ZNF330: variants seen among roughly 807,000 people sequenced by gnomAD.
ZNF330 encodes nucleolar atypical zinc finger.
In ZNF330, 31 loss-of-function variants were observed where a neutral mutation model predicts 45.5. The observed-to-expected ratio is 0.68, with a 90% CI of 0.51 to 0.92. The LOEUF (loss-of-function observed/expected upper bound fraction) is 0.92, where lower values mean the gene tolerates loss of function less well. Ranked by LOEUF, ZNF330 falls within the 40% of genes least tolerant of loss-of-function variation. The probability of loss-of-function intolerance (pLI) is 0.00; values close to 1 mark genes in which losing one functional copy is unlikely to be tolerated. For synonymous variants in ZNF330, 138 were observed against 123.2 expected (o/e 1.12, Z -0.79); for missense variants, 356 against 387.4 (o/e 0.92, Z 0.68).
intron 5 of ZNF330, among the ~76,000 whole-genome samples, 182 bp from the exon 6 acceptor site, chr4:141,229,389 T>C (rs960000630): frequency 1.3e-5 from 2 of 152,156 alleles, no homozygotes; most frequent in Non-Finnish European, 2.9e-5. Context: ...GAAGTTGTTT[T>C]TCAGAGAACC....
intron 9 of ZNF330, 35 bp from the exon 10 acceptor site, chr4:141,233,680 T>A: frequency 6.4e-7 from 1 of 1,574,236 alleles, no homozygotes; most frequent in Non-Finnish European, 8.6e-7. Flanking sequence ...GAACTGGAAC[T>A]AACAAAATGC....
Position 141,224,688 on chromosome 4 carries a change from A to AATAATTAAGG in ZNF330, c.211+13_211+22dup. On this transcript the variant is annotated intron_variant, in intron 4 of 9. Transcript: ENST00000262990. ...TTTGTGCACAGTGTGGTAAGTTTGT[A>AATAATTAAGG]ATAATTAAGGACATATGCTTTTTAT... 1 of 1,610,610 alleles carries AATAATTAAGG rather than the reference A, an allele frequency of 6.2e-7. No individual in the cohort carries two copies. The highest frequency in any genetic ancestry group is 2.2e-5 in the East Asian group (1 of 44,780).
At chr4:141,223,767 A>G in intron 2 of ZNF330, 1 of 456,220 alleles carries the variant, frequency 2.2e-6, no homozygotes, top group Non-Finnish European at 4.4e-6. Context: ...TGTATTTATT[A>G]GGACTAAGAG....
Position 141,234,131 on chromosome 4 carries a change from G to T in ZNF330, c.*142G>T. ...TACACTTAATGGGCCAAGCAATAGGGTGTAGCGTTTTTATAGAACTGATAA... is the reference window on the plus strand; with the variant it reads ...TACACTTAATGGGCCAAGCAATAGGTTGTAGCGTTTTTATAGAACTGATAA... On this transcript the variant is annotated 3_prime_UTR_variant, in exon 10 of 10. Coordinates refer to ENST00000262990, the MANE Select transcript of ZNF330 (RefSeq NM_014487.6). The T allele has an allele frequency of 1.4e-6, 2 of 1,390,342 alleles. No homozygotes were observed. The highest frequency in any genetic ancestry group is 9.3e-7 in the Non-Finnish European group (1 of 1,072,018). The allele number at this position is 1,390,342 out of a possible 1,614,324, so 86.1% of individuals were successfully genotyped here.
chr4:141,223,188 G>A (rs72935053), intron 2 of ZNF330, among the ~76,000 whole-genome samples: 7,284 of 152,220 alleles, frequency 0.048, 575 homozygotes, highest in African/African-American at 0.17. Flanking sequence ...ACTGTGGGTA[G>A]TGATACATAG....
At chr4:141,224,795 C>CCTG in intron 4 of ZNF330, 118 bp downstream of exon 4, 1 of 803,296 alleles carries the variant, frequency 1.2e-6, no homozygotes, top group Non-Finnish European at 2.0e-6. Flanking sequence ...AATATTATGC[C>CCTG]TTACCATTAA....
intron 4 of ZNF330, 23 bp downstream of exon 4, chr4:141,224,700 C>G (rs1435336336): frequency 6.2e-7 from 1 of 1,601,190 alleles, no homozygotes; most frequent in Non-Finnish European, 8.5e-7. Context: ...TAATTAAGGA[C>G]ATATGCTTTT....
intron 1 of ZNF330, 27 bp from the exon 2 acceptor site, chr4:141,222,339 C>G (rs202142443): frequency 3.7e-5 from 59 of 1,603,426 alleles, no homozygotes; most frequent in Non-Finnish European, 4.8e-5. Flanking sequence ...TCAATTATAT[C>G]TTTTCTGTTC....
chr4:141,223,691 A>G (rs1468858648), intron 2 of ZNF330: 2 of 454,466 alleles, frequency 4.4e-6, no homozygotes, highest in East Asian at 1.4e-4. Context: ...GAGGTTCTGA[A>G]TGACTGGCAT....
Position 141,232,566 on chromosome 4 carries a change from G to A in ZNF330, c.612G>A (p.Lys204=). The A allele has an allele frequency of 1.2e-6, 2 of 1,600,168 alleles. No individual in the cohort carries two copies. Among genetic ancestry groups the A allele is most frequent in the Non-Finnish European group, 1.7e-6 (2 of 1,173,278 alleles). Residue 204 remains lysine (K), a synonymous_variant, in exon 9 of 10, where the codon AAG becomes AAA. Coordinates refer to ENST00000262990, the MANE Select transcript of ZNF330 (RefSeq NM_014487.6). ...ATCATACAAGGAGCAAAGTGTTTAA[G>A]CAAGAAAAAGGAAAACAGCCTCCTT... ...CDDHTRSKVF[K]QEKGKQPPCP...
chr4:141,226,632 C>A, intron 4 of ZNF330, 135 bp from the exon 5 acceptor site: 1 of 610,452 alleles, frequency 1.6e-6, no homozygotes, highest in Admixed American at 3.1e-5. Flanking sequence ...GTTATGTAAG[C>A]AGTAAATACT....
chr4:141,234,017 G>A lies in ZNF330; in HGVS notation c.*28G>A, dbSNP rs746306114. The stretch of plus-strand genomic sequence containing the variant: ...GAGCTGCTCTGGTGGCCGTGTGTGA[G>A]AGGAGCAGGAGTGAGTGTGTGTGCT... On this transcript the variant is annotated 3_prime_UTR_variant, in exon 10 of 10. Coordinates refer to ENST00000262990, the MANE Select transcript of ZNF330 (RefSeq NM_014487.6). 10 of 1,587,948 alleles carry A rather than the reference G, an allele frequency of 6.3e-6. No homozygotes were observed. The East Asian group carries it at 2.2e-4, about 36-fold the overall frequency.
intron 5 of ZNF330, among the ~76,000 whole-genome samples, chr4:141,228,535 C>T (rs1240996201): frequency 6.6e-6 from 1 of 151,990 alleles, no homozygotes; most frequent in Non-Finnish European, 1.5e-5. Flanking sequence ...GTAGTCCTCT[C>T]CTGTTTGTCC....
At chr4:141,226,411 T>C (rs963564361) in intron 4 of ZNF330, among the ~76,000 whole-genome samples, 5 of 152,184 alleles carry the variant, frequency 3.3e-5, no homozygotes, top group Admixed American at 6.5e-5. Context: ...AAAGCATTCC[T>C]TTAAAAATTG....
intron 7 of ZNF330, among the ~76,000 whole-genome samples, chr4:141,231,206 A>G (rs1578813388): frequency 6.6e-6 from 1 of 152,232 alleles, no homozygotes; most frequent in East Asian, 1.9e-4. Flanking sequence ...AGCATCTCGA[A>G]GTATATAGCA....
chr4:141,229,946 T>C (rs1343461879), intron 6 of ZNF330, among the ~76,000 whole-genome samples: 1 of 152,076 alleles, frequency 6.6e-6, no homozygotes, highest in Non-Finnish European at 1.5e-5. Context: ...GAGTGTTATA[T>C]GGGTAGCTAG....
At chr4:141,229,797 A>G (rs1728906212) in intron 6 of ZNF330, 100 bp downstream of exon 6, 2 of 1,429,196 alleles carry the variant, frequency 1.4e-6, no homozygotes, top group South Asian at 2.4e-5. Context: ...GATACTGTCA[A>G]TCCTAACTAC....
At chr4:141,225,569 T>C (rs1728783921) in intron 4 of ZNF330, among the ~76,000 whole-genome samples, 1 of 151,562 alleles carries the variant, frequency 6.6e-6, no homozygotes, top group Non-Finnish European at 1.5e-5. Flanking sequence ...CAATTTGGGG[T>C]ATGCTCATTT....
chr4:141,226,932 T>G, intron 5 of ZNF330, 86 bp downstream of exon 5: 1 of 1,080,800 alleles, frequency 9.3e-7, no homozygotes, highest in Non-Finnish European at 1.4e-6. Context: ...TTTCTAAATA[T>G]CATTGCTTTG....
Sources: allele counts gnomAD v4.1 joint callset (sites outside exome capture counted in the v4.1 genomes callset), GRCh38; gene constraint gnomAD v4.1.1; transcripts MANE v1.5; gene names NCBI Gene and HGNC (gene_info 2026-07-23, HGNC 2026-07-21).